C11orf97: variants seen among roughly 807,000 people sequenced by gnomAD.
The protein encoded by C11orf97 is chromosome 11 open reading frame 97.
Under a neutral mutation model 16.2 loss-of-function variants are expected in C11orf97, and 15 were observed. That is an observed-to-expected ratio of 0.93 (90% confidence interval 0.62 to 1.43). The LOEUF (loss-of-function observed/expected upper bound fraction) is 1.43, where lower values mean the gene tolerates loss of function less well. C11orf97 is among the 40% of genes most tolerant of loss of function. The pLI is 0.00. For missense variants in C11orf97, 171 were observed against 161.2 expected, an observed-to-expected ratio of 1.06 and a Z score of -0.33; for synonymous variants, 61 against 65.7, an observed-to-expected ratio of 0.93 and a Z score of 0.34.
chr11:94,529,167 C>T (rs918275347), intron 3 of C11orf97, among the ~76,000 whole-genome samples: 10 of 152,152 alleles, frequency 6.6e-5, no homozygotes, highest in Non-Finnish European at 1.5e-4. Flanking sequence ...AAAGTCCATG[C>T]TTTCAACCAC....
rs778433970 is a variant in C11orf97, at chr11:94,512,483, G to C, written c.-46G>C. The C allele has an allele frequency of 7.9e-7, 1 of 1,268,930 alleles. No individual in the cohort carries two copies. Among genetic ancestry groups the C allele is most frequent in the Non-Finnish European group, 9.9e-7 (1 of 1,006,524 alleles). 78.6% of individuals were successfully genotyped at this position (1,268,930 alleles called of 1,614,324 possible). ...CGCATGCTGGGCTGCCTGCGACTGA[G>C]CTGAGAAGGAAACCGTGCCCAGGGC... On this transcript the variant is annotated 5_prime_UTR_variant, in exon 1 of 4. Transcript: ENST00000542198.
Position 94,531,933 on chromosome 11 carries a change from C to T in C11orf97, c.*33C>T. 1 of 1,450,660 alleles carries T rather than the reference C, an allele frequency of 6.9e-7. No homozygotes were observed. Among genetic ancestry groups the T allele is most frequent in the Non-Finnish European group, 9.1e-7 (1 of 1,103,564 alleles). The allele number at this position is 1,450,660 out of a possible 1,614,324, so 89.9% of individuals were successfully genotyped here. On this transcript the variant is annotated 3_prime_UTR_variant, in exon 4 of 4. Coordinates refer to ENST00000542198, the MANE Select transcript of C11orf97 (RefSeq NM_001190462.2). Reference sequence around the variant, plus strand: ...TAGATTTTCCATTAAGAAGGAACCTCTTTCTGCTGATGTCTGAAGAACGGA... The same window carrying T: ...TAGATTTTCCATTAAGAAGGAACCTTTTTCTGCTGATGTCTGAAGAACGGA...
At chr11:94,517,453 G>T (rs913628861) in intron 1 of C11orf97, 130 bp from the exon 2 acceptor site, 2 of 487,024 alleles carry the variant, frequency 4.1e-6, no homozygotes, top group Non-Finnish European at 6.9e-6. Context: ...AGAGCCTTCA[G>T]GGCAAATTGT....
At chr11:94,528,258 T>C (rs1947714220) in intron 3 of C11orf97, 49 bp downstream of exon 3, 4 of 1,483,414 alleles carry the variant, frequency 2.7e-6, no homozygotes, top group Non-Finnish European at 3.6e-6. Flanking sequence ...GAGGGGACTT[T>C]ACAGTTTACA....
At chr11:94,528,357 A>G in intron 3 of C11orf97, 148 bp downstream of exon 3, 3 of 712,822 alleles carry the variant, frequency 4.2e-6, no homozygotes, top group Non-Finnish European at 6.3e-6. Flanking sequence ...TAGTTTGGCC[A>G]TATTATGTGA....
intron 2 of C11orf97, among the ~76,000 whole-genome samples, chr11:94,522,048 C>T (rs956131312): frequency 5.3e-5 from 8 of 152,180 alleles, no homozygotes; most frequent in Non-Finnish European, 1.0e-4. Flanking sequence ...CTACATTCTC[C>T]GAATCTTGAT....
At chr11:94,519,159 C>T (rs659489) in intron 2 of C11orf97, among the ~76,000 whole-genome samples, 87,055 of 151,532 alleles carry the variant, frequency 0.57, 25,247 homozygotes, top group African/African-American at 0.62. Flanking sequence ...CTGCCCACCT[C>T]GGCCTCCCAA....
At chr11:94,513,571 G>A (rs538528619) in intron 1 of C11orf97, among the ~76,000 whole-genome samples, 1 of 152,254 alleles carries the variant, frequency 6.6e-6, no homozygotes, top group South Asian at 2.1e-4. Flanking sequence ...GGGAGGGTTG[G>A]GCTGAAGCAC....
At chr11:94,516,747 G>A (rs1947614029) in intron 1 of C11orf97, among the ~76,000 whole-genome samples, 1 of 152,188 alleles carries the variant, frequency 6.6e-6, no homozygotes, top group Non-Finnish European at 1.5e-5. Context: ...AAGAACTAAT[G>A]TTTAAGCCAA....
intron 1 of C11orf97, 60 bp from the exon 2 acceptor site, chr11:94,517,523 A>G (rs1434041309): frequency 8.1e-6 from 8 of 983,202 alleles, no homozygotes; most frequent in Non-Finnish European, 1.2e-5. Flanking sequence ...TGTAGATATA[A>G]TGGCTAGAAG....
At chr11:94,530,710 A>T (rs1427994162) in intron 3 of C11orf97, among the ~76,000 whole-genome samples, 4 of 152,178 alleles carry the variant, frequency 2.6e-5, no homozygotes, top group African/African-American at 9.6e-5. Flanking sequence ...CTTGCTGCTA[A>T]CTCACATACA....
At chr11:94,529,588 TTTACTAC>T (rs1357972660) in intron 3 of C11orf97, among the ~76,000 whole-genome samples, 1 of 152,170 alleles carries the variant, frequency 6.6e-6, no homozygotes, top group East Asian at 1.9e-4. Context: ...ATAGAGACAC[TTTACTAC>T]CTACAATCCC....
intron 2 of C11orf97, among the ~76,000 whole-genome samples, chr11:94,527,518 T>C (rs1947709180): frequency 6.6e-6 from 1 of 152,224 alleles, no homozygotes; most frequent in East Asian, 1.9e-4. Context: ...GACCTATAAT[T>C]ATCAATGGGC....
At chr11:94,520,766 T>A (rs1565253062) in intron 2 of C11orf97, among the ~76,000 whole-genome samples, 1 of 152,208 alleles carries the variant, frequency 6.6e-6, no homozygotes, top group African/African-American at 2.4e-5. Flanking sequence ...CCCTGCCACC[T>A]TTTGCAGGCC....
intron 2 of C11orf97, among the ~76,000 whole-genome samples, chr11:94,525,284 A>C (rs1368698536): frequency 6.6e-6 from 1 of 152,190 alleles, no homozygotes; most frequent in African/African-American, 2.4e-5. Context: ...TATAGTAGTC[A>C]TGAAAAATTT....
chr11:94,531,741 G>A (rs1282041053), intron 3 of C11orf97, among the ~76,000 whole-genome samples, 155 bp from the exon 4 acceptor site: 5 of 152,086 alleles, frequency 3.3e-5, no homozygotes, highest in Non-Finnish European at 5.9e-5. Flanking sequence ...ACTAAGTAGT[G>A]GCTTTTCTGG....
chr11:94,519,133 C>T lies in C11orf97; in HGVS notation c.250+1446C>T, dbSNP rs552894222. Among the ~76,000 whole-genome samples, 11 of 152,262 alleles carry T rather than the reference C, an allele frequency of 7.2e-5. No individual in the cohort carries two copies. In the East Asian group the frequency reaches 2.1e-3, roughly 29 times the overall value. On this transcript the variant is annotated intron_variant, in intron 2 of 3. Transcript: ENST00000542198. ...CCATGTTGGTCAGGTTGGTCTTGAA[C>T]TCCTGACCTCGTGATCTGCCCACCT...
rs12791132 is a variant in C11orf97 at position 94,520,496 on chromosome 11, A to T, written c.250+2809A>T. Among the ~76,000 whole-genome samples, 1,082 of 152,220 alleles carry T rather than the reference A, an allele frequency of 7.1e-3. 20 individuals are homozygous for T. Among genetic ancestry groups the T allele is most frequent in the African/African-American group, 0.025 (1,030 of 41,524 alleles). ...CTCCAGCATTTTTTATTTCTACCCT[A>T]TACTTTTCCCCTTAAATCCCAAAAC... On this transcript the variant is annotated intron_variant, in intron 2 of 3. Coordinates refer to ENST00000542198, the MANE Select transcript of C11orf97 (RefSeq NM_001190462.2).
chr11:94,529,177 C>G (rs1490870905), intron 3 of C11orf97, among the ~76,000 whole-genome samples: 1 of 152,160 alleles, frequency 6.6e-6, no homozygotes. Context: ...CTTTCAACCA[C>G]TAGACACTAC....
Sources: gnomAD v4.1 joint callset for allele counts (sites outside exome capture counted in the v4.1 genomes callset) on GRCh38, gnomAD v4.1.1 for gene constraint, MANE v1.5 for transcripts, NCBI Gene and HGNC (gene_info 2026-07-23, HGNC 2026-07-21) for gene names.